The following ASTN2 variants were observed in gnomAD, a reference collection of about 807,000 sequenced individuals.
The protein encoded by ASTN2 is astrotactin-2.
Under a neutral mutation model 139.8 loss-of-function variants are expected in ASTN2, and 54 were observed. That is an observed-to-expected ratio of 0.39 (90% CI 0.31 to 0.48). The LOEUF (loss-of-function observed/expected upper bound fraction) is 0.48. Among genes scored for constraint, ASTN2 ranks in the 20% least tolerant of loss-of-function variants. ASTN2 has a pLI of 0.95. For synonymous variants in ASTN2, 756 were observed against 719.5 expected, an observed-to-expected ratio of 1.05 and a Z score of -0.81; for missense variants, 1,565 against 1,725.1, an observed-to-expected ratio of 0.91 and a Z score of 1.64.
intron 19 of ASTN2, among the ~76,000 whole-genome samples, chr9:116,603,573 C>T (rs1855024537): frequency 6.6e-6 from 1 of 152,200 alleles, no homozygotes; most frequent in South Asian, 2.1e-4. Context: ...AAACCAGGAA[C>T]TTAAAATACT....
At chr9:116,479,843 T>C (rs1179821379) in intron 20 of ASTN2, among the ~76,000 whole-genome samples, 1 of 152,192 alleles carries the variant, frequency 6.6e-6, no homozygotes, top group Non-Finnish European at 1.5e-5. Context: ...CCCTGTCATT[T>C]CTATATGCCC....
At chr9:116,953,100 G>A (rs535869194) in intron 10 of ASTN2, among the ~76,000 whole-genome samples, 1 of 152,264 alleles carries the variant, frequency 6.6e-6, no homozygotes, top group Non-Finnish European at 1.5e-5. Flanking sequence ...GCTATGGAAA[G>A]GACAGTTTGT....
Position 117,414,788 on chromosome 9 carries a change from CGCCGGCCAGCAGCGGCGGCGGCG to C in ASTN2, c.128_150del (p.Pro43ArgfsTer75). 1 of 1,247,446 alleles carries C rather than the reference CGCCGGCCAGCAGCGGCGGCGGCG, an allele frequency of 8.0e-7. No homozygotes were observed. The highest frequency in any genetic ancestry group is 1.0e-6 in the Non-Finnish European group (1 of 995,270). 77.3% of individuals were successfully genotyped at this position (1,247,446 alleles called of 1,614,324 possible). ...GGCTCCCGCGAGGCAGCGGCGGTGG[CGCCGGCCAGCAGCGGCGGCGGCG>C]GCAGCAGGAGCAGGAACAGCAGCAG... On this transcript the variant is annotated frameshift_variant, in exon 1 of 23. Transcript: ENST00000313400. LOFTEE classifies it high-confidence loss of function. This position sits in a 1 kb window ranked among gnomAD's most constrained non-coding sequence, Gnocchi z 4.2.
intron 19 of ASTN2, among the ~76,000 whole-genome samples, chr9:116,526,944 G>A (rs1351750852): frequency 2.0e-5 from 3 of 152,186 alleles, no homozygotes; most frequent in African/African-American, 7.2e-5. Context: ...ACACAACAGA[G>A]AAAGGACAGT....
intron 22 of ASTN2, among the ~76,000 whole-genome samples, chr9:116,432,908 T>A (rs1468088713): frequency 6.6e-6 from 1 of 150,858 alleles, no homozygotes; most frequent in Non-Finnish European, 1.5e-5. Flanking sequence ...CCAGCCTGGG[T>A]GACAGAGCAA....
chr9:116,712,383 T>C (rs1828187912), intron 16 of ASTN2, among the ~76,000 whole-genome samples: 1 of 152,194 alleles, frequency 6.6e-6, no homozygotes, highest in African/African-American at 2.4e-5. Context: ...AATATCTTTT[T>C]CCAAGACTAA....
chr9:116,506,337 G>C (rs1422659893), intron 19 of ASTN2, among the ~76,000 whole-genome samples: 1 of 152,188 alleles, frequency 6.6e-6, no homozygotes, highest in Non-Finnish European at 1.5e-5. Context: ...AGTGGGACTA[G>C]CAAACTGAGC....
intron 10 of ASTN2, among the ~76,000 whole-genome samples, chr9:116,864,454 A>G (rs1564311816): frequency 6.6e-6 from 1 of 152,190 alleles, no homozygotes. Flanking sequence ...AGGTTCTCAA[A>G]AGATAAGACT....
At chr9:116,700,002 G>T in intron 16 of ASTN2, 2 of 449,860 alleles carry the variant, frequency 4.4e-6, no homozygotes, top group Non-Finnish European at 8.2e-6. Context: ...AGCCACTTTA[G>T]CCCTTTGTGC....
chr9:116,773,540 C>A (rs1830007549), intron 13 of ASTN2, among the ~76,000 whole-genome samples: 1 of 152,148 alleles, frequency 6.6e-6, no homozygotes, highest in Non-Finnish European at 1.5e-5. Flanking sequence ...CAAAGATGGG[C>A]TTTAAAAAGT....
At chr9:117,308,507 G>A (rs1399984744) in intron 1 of ASTN2, among the ~76,000 whole-genome samples, 4 of 152,162 alleles carry the variant, frequency 2.6e-5, no homozygotes, top group African/African-American at 9.7e-5. Context: ...CTGGAAGGAA[G>A]CAGGATGTGT....
At chr9:117,215,428 C>G (rs1304055241) in intron 2 of ASTN2, among the ~76,000 whole-genome samples, 1 of 149,256 alleles carries the variant, frequency 6.7e-6, no homozygotes, top group Admixed American at 6.7e-5. Context: ...TGAAAATGTA[C>G]CTTTCTAGGG....
chr9:117,357,158 G>A (rs901295348), intron 1 of ASTN2, among the ~76,000 whole-genome samples: 1 of 152,106 alleles, frequency 6.6e-6, no homozygotes, highest in Non-Finnish European at 1.5e-5. Flanking sequence ...GTCCTTTCAG[G>A]AGCCAACAGA....
intron 1 of ASTN2, among the ~76,000 whole-genome samples, chr9:117,355,142 T>C (rs953820279): frequency 6.6e-6 from 1 of 152,192 alleles, no homozygotes; most frequent in African/African-American, 2.4e-5. Flanking sequence ...GAAATGACTG[T>C]ATTTCATTTA....
chr9:116,902,346 A>C (rs914192992), intron 10 of ASTN2, among the ~76,000 whole-genome samples: 2 of 152,220 alleles, frequency 1.3e-5, no homozygotes, highest in African/African-American at 2.4e-5. Flanking sequence ...TAAACATATA[A>C]AGAAAGAAAA....
intron 2 of ASTN2, among the ~76,000 whole-genome samples, chr9:117,222,392 C>T (rs1261658941): frequency 2.6e-5 from 4 of 152,140 alleles, no homozygotes; most frequent in Non-Finnish European, 5.9e-5. Context: ...ACTCTCTGCT[C>T]CCAGTAAGCT....
chr9:117,150,661 A>C (rs980346828), intron 3 of ASTN2, among the ~76,000 whole-genome samples: 1 of 152,170 alleles, frequency 6.6e-6, no homozygotes, highest in African/African-American at 2.4e-5. Flanking sequence ...GGATTAACTG[A>C]GATGCTAAAT....
intron 7 of ASTN2, among the ~76,000 whole-genome samples, chr9:117,005,080 A>AGTTTT: frequency 2.7e-5 from 2 of 74,672 alleles, no homozygotes; most frequent in South Asian, 6.4e-4. Context: ...CCTGTAGTCG[A>AGTTTT]TTTTTTTTTT....
At chr9:116,618,100 C>G (rs544796020) in intron 19 of ASTN2, among the ~76,000 whole-genome samples, 10 of 152,150 alleles carry the variant, frequency 6.6e-5, no homozygotes, top group African/African-American at 2.4e-4. Flanking sequence ...TTTGAAGGTC[C>G]AACTCAGAGA....
Sources: gnomAD v4.1 joint callset for allele counts (sites outside exome capture counted in the v4.1 genomes callset) on GRCh38, gnomAD v4.1.1 for gene constraint, Gnocchi (gnomAD v3.1) non-coding constraint, MANE v1.5 for transcripts, NCBI Gene and HGNC (gene_info 2026-07-23, HGNC 2026-07-21) for gene names.